The following DHRS4L2 variants were observed in gnomAD, a reference collection of about 807,000 sequenced individuals.
DHRS4L2 encodes dehydrogenase/reductase SDR family member 4-like 2.
DHRS4L2 carries 22 observed loss-of-function variants against 23.9 expected under a neutral mutation model. The ratio of observed to expected loss-of-function variants is 0.92; its 90% CI spans 0.66 to 1.31. DHRS4L2 has a LOEUF of 1.31. Ranked by LOEUF, DHRS4L2 falls within the 40% of genes most tolerant of loss-of-function variation. The pLI, the probability that DHRS4L2 is intolerant of heterozygous loss-of-function variation, is 0.00. For missense variants in DHRS4L2, 385 were observed against 303.3 expected, an observed-to-expected ratio of 1.27 and a Z score of -2.00; for synonymous variants, 141 against 123.7, an observed-to-expected ratio of 1.14 and a Z score of -0.93.
intron 3 of DHRS4L2, among the ~76,000 whole-genome samples, chr14:23,998,364 G>C (rs2138553424): frequency 6.6e-6 from 1 of 151,534 alleles, no homozygotes; most frequent in South Asian, 2.1e-4. Context: ...GAATAAGCCT[G>C]TCCTTTGAAG....
chr14:23,993,817 C>T (rs1594469435), intron 2 of DHRS4L2, among the ~76,000 whole-genome samples: 1 of 151,570 alleles, frequency 6.6e-6, no homozygotes, highest in Non-Finnish European at 1.5e-5. Flanking sequence ...GTATCTTCTC[C>T]CATCATGGCT....
chr14:23,989,368 T>G (rs2034218181), intron 1 of DHRS4L2, among the ~76,000 whole-genome samples: 1 of 151,634 alleles, frequency 6.6e-6, no homozygotes, highest in Non-Finnish European at 1.5e-5. Context: ...TTACCTAGCC[T>G]CTGGGAAGAC....
chr14:23,996,245 A>G (rs926765593), intron 3 of DHRS4L2, among the ~76,000 whole-genome samples: 8 of 151,760 alleles, frequency 5.3e-5, no homozygotes, highest in African/African-American at 1.9e-4. Flanking sequence ...TGGTGATCAC[A>G]TTTCAACATG....
At chr14:23,981,950 A>G (rs1358167863) in intron 1 of DHRS4L2, among the ~76,000 whole-genome samples, 1 of 151,724 alleles carries the variant, frequency 6.6e-6, no homozygotes, top group Non-Finnish European at 1.5e-5. Flanking sequence ...GAACAAATGT[A>G]CAATCGTGTT....
rs374848989 is a variant in DHRS4L2 at position 23,973,443 on chromosome 14, G to C, written c.-176+3111G>C. Among the ~76,000 whole-genome samples the C allele has an allele frequency of 7.9e-5, 12 of 152,040 alleles. No individual in the cohort carries two copies. In the East Asian group the frequency reaches 2.1e-3, roughly 27 times the overall value. On this transcript the variant is annotated intron_variant, in intron 1 of 5. Transcript: ENST00000534993. ...CAGAAAGGGGCTCCCACAGTGCAGC[G>C]GCGGGCTGAAGGGCTCCTCAAGCGT...
rs751575829 is a variant in DHRS4L2 at position 23,988,944 on chromosome 14, A to C, written c.-4A>C. The C allele has an allele frequency of 3.7e-6, 6 of 1,611,904 alleles. No individual in the cohort carries two copies. In the Admixed American group the frequency reaches 8.3e-5, roughly 22 times the overall value. On this transcript the variant is annotated 5_prime_UTR_variant, in exon 1 of 8. Coordinates refer to ENST00000335125, the MANE Select transcript of DHRS4L2 (RefSeq NM_198083.4). ...AGTGGAACCCAGACTTGCTGGTCTG[A>C]TCCATGCAGATGGCCAGGCTGCTAG...
At chr14:23,975,922 G>T (rs1343623145) in intron 1 of DHRS4L2, among the ~76,000 whole-genome samples, 1 of 151,572 alleles carries the variant, frequency 6.6e-6, no homozygotes, top group East Asian at 1.9e-4. Context: ...AGCTGAAACT[G>T]CATGCGTTCC....
At chr14:23,988,424 G>A (rs553123813), upstream of DHRS4L2, among the ~76,000 whole-genome samples, 3 of 149,318 alleles carry the variant, frequency 2.0e-5, 1 homozygote, top group East Asian at 2.1e-4. Flanking sequence ...TGCCTATCAC[G>A]TCTCTCTCCC....
In DHRS4L2 at chr14:23,990,193, C is replaced by T. The variant is rs1159596284; in HGVS notation, c.140C>T (p.Ala47Val). 4 of 1,612,674 alleles carry T rather than the reference C, an allele frequency of 2.5e-6. No homozygotes were observed. Among genetic ancestry groups the T allele is most frequent in the East Asian group, 2.2e-5 (1 of 44,890 alleles). Residue 47 changes from alanine to valine, a missense_variant, in exon 2 of 8, where the codon GCC (alanine) becomes GTC (valine). By Grantham distance (64) the Ala-to-Val change is moderately conservative (BLOSUM62 0). Coordinates refer to ENST00000335125, the MANE Select transcript of DHRS4L2 (RefSeq NM_198083.4). ...VTASTDGIGF[A>V]IARRLAQDRA... ...CTTTCTGCTCACAGGATCGGCTTCG[C>T]CATCGCCCGGCGTTTGGCCCAGGAC...
chr14:23,989,204 G>C, intron 1 of DHRS4L2, 129 bp downstream of exon 1: 1 of 1,465,234 alleles, frequency 6.8e-7, no homozygotes, highest in Non-Finnish European at 9.1e-7. Flanking sequence ...TGGAAAAAAA[G>C]TAGCCACGTG....
chr14:23,997,798 A>G (rs1253058713), intron 3 of DHRS4L2, among the ~76,000 whole-genome samples: 3 of 151,610 alleles, frequency 2.0e-5, no homozygotes, highest in Non-Finnish European at 4.4e-5. Context: ...GAGGGTTGGA[A>G]TCAACTTCTT....
intron 3 of DHRS4L2, 116 bp downstream of exon 3, chr14:23,995,249 C>T (rs528798344): frequency 2.6e-4 from 312 of 1,208,056 alleles, no homozygotes; most frequent in African/African-American, 2.5e-3. Context: ...CTCTTTGCCA[C>T]GTGCCACACA....
intron 1 of DHRS4L2, among the ~76,000 whole-genome samples, chr14:23,970,724 G>C (rs1444912996): frequency 6.6e-6 from 1 of 152,046 alleles, no homozygotes; most frequent in East Asian, 1.9e-4. Flanking sequence ...AGTAGGGGCG[G>C]AGAGACACCT....
chr14:23,993,536 C>G (rs1384205237), intron 2 of DHRS4L2, among the ~76,000 whole-genome samples: 1 of 151,562 alleles, frequency 6.6e-6, no homozygotes, highest in East Asian at 1.9e-4. Flanking sequence ...TCAAAATTGC[C>G]AGTTCCGGGC....
chr14:24,001,122 C>T (rs763158225), intron 5 of DHRS4L2, 38 bp downstream of exon 5: 2 of 1,609,860 alleles, frequency 1.2e-6, no homozygotes, highest in South Asian at 2.2e-5. Flanking sequence ...ATCCCACCCT[C>T]CACTCCACAT....
intron 2 of DHRS4L2, among the ~76,000 whole-genome samples, 160 bp from the exon 3 acceptor site, chr14:23,994,872 T>G (rs7142727): frequency 6.7e-6 from 1 of 150,042 alleles, no homozygotes; most frequent in Non-Finnish European, 1.5e-5. Context: ...TTCTCTCAAA[T>G]TCCTCAGCTC....
In DHRS4L2 at chr14:23,998,198, T is replaced by A. The variant is rs569423123; in HGVS notation, c.409-2665T>A. On this transcript the variant is annotated intron_variant, in intron 3 of 7. Coordinates refer to ENST00000335125, the MANE Select transcript of DHRS4L2 (RefSeq NM_198083.4). ...TTAAAATATTCAGTAAACCATGCTA[T>A]AAACAGATGTGCTGTTATTCAGGCT... Among the ~76,000 whole-genome samples, 20 of 152,152 alleles carry A rather than the reference T, an allele frequency of 1.3e-4. 1 individual carries two copies. Among genetic ancestry groups the A allele is most frequent in the Non-Finnish European group, 2.8e-4 (19 of 67,968 alleles).
chr14:24,006,005 C>G lies in DHRS4L2; in HGVS notation c.*142C>G, dbSNP rs753984290. On this transcript the variant is annotated 3_prime_UTR_variant, in exon 8 of 8. Coordinates refer to ENST00000335125, the MANE Select transcript of DHRS4L2 (RefSeq NM_198083.4). ...GGAACCCCGTCCCGCCTCTGAGGAC[C>G]GGGAGACAGCCCACAGGCCAGAGTT... 5.5e-5 allele frequency: 89 copies of G among 1,604,700 alleles called. No individual in the cohort carries two copies. Among genetic ancestry groups the G allele is most frequent in the Non-Finnish European group, 1.4e-5 (17 of 1,176,380 alleles).
intron 1 of DHRS4L2, among the ~76,000 whole-genome samples, chr14:23,989,686 A>G (rs901387214): frequency 3.3e-5 from 5 of 151,792 alleles, no homozygotes; most frequent in African/African-American, 1.2e-4. Context: ...ATGGCTGACA[A>G]CTGCAGAATG....
Sources: allele counts gnomAD v4.1 joint callset (sites outside exome capture counted in the v4.1 genomes callset), GRCh38; gene constraint gnomAD v4.1.1; transcripts MANE v1.5; gene names NCBI Gene and HGNC (gene_info 2026-07-23, HGNC 2026-07-21).